Variants in RELB observed in about 807,000 individuals in gnomAD.
The protein encoded by RELB is transcription factor RelB.
Under a neutral mutation model 55.4 loss-of-function variants are expected in RELB, and 14 were observed. The observed-to-expected ratio is 0.25, with a 90% CI of 0.17 to 0.40. The LOEUF is 0.40. Among genes scored for constraint, RELB ranks in the 10% least tolerant of loss-of-function variants. The pLI is 1.00. For missense variants in RELB, 669 were observed against 830.7 expected (o/e 0.81, Z 2.39); for synonymous variants, 409 against 371.3 (o/e 1.10, Z -1.17).
intron 5 of RELB, among the ~76,000 whole-genome samples, chr19:45,023,393 T>C (rs117603316): frequency 3.5e-4 from 50 of 144,568 alleles, no homozygotes; most frequent in Non-Finnish European, 4.4e-4. Context: ...TGCAGTTTTC[T>C]TTCCTTCCTT....
At chr19:45,016,175 G>A (rs1440265437) in intron 4 of RELB, among the ~76,000 whole-genome samples, 2 of 151,834 alleles carry the variant, frequency 1.3e-5, no homozygotes, top group Non-Finnish European at 2.9e-5. Context: ...AGTAGAGACG[G>A]GGTTTCACCA....
intron 1 of RELB, among the ~76,000 whole-genome samples, chr19:45,002,337 GT>G (rs969595831): frequency 4.6e-5 from 7 of 151,550 alleles, no homozygotes; most frequent in East Asian, 1.9e-4. Context: ...ACAGGAGGAT[GT>G]TTTTTTTTGT....
chr19:45,033,733 G>C (rs1048165308), intron 9 of RELB, among the ~76,000 whole-genome samples: 1 of 150,620 alleles, frequency 6.6e-6, no homozygotes, highest in African/African-American at 2.4e-5. Context: ...AGTAGAGACC[G>C]GGTTTCGCCG....
chr19:45,010,324 A>G (rs917798359), intron 3 of RELB, among the ~76,000 whole-genome samples: 4 of 149,274 alleles, frequency 2.7e-5, no homozygotes, highest in African/African-American at 9.8e-5. Flanking sequence ...CAAAAAGAAA[A>G]CCAATTAAAA....
intron 4 of RELB, among the ~76,000 whole-genome samples, chr19:45,015,627 T>C (rs1971412017): frequency 6.7e-6 from 1 of 150,352 alleles, no homozygotes; most frequent in African/African-American, 2.5e-5. Flanking sequence ...CCCAGCACCA[T>C]GGGAGGCTGA....
intron 2 of RELB, chr19:45,008,571 T>C (rs1971311706): frequency 4.4e-6 from 2 of 455,876 alleles, no homozygotes; most frequent in Admixed American, 4.7e-5. Context: ...AGTATCCCCA[T>C]CTGCCAAATT....
intron 7 of RELB, among the ~76,000 whole-genome samples, chr19:45,027,316 G>GA (rs201311379): frequency 0.012 from 1,819 of 152,054 alleles, 14 homozygotes; most frequent in South Asian, 0.032. Flanking sequence ...CTATTAACGA[G>GA]AAAAAATGCA....
Position 45,001,528 on chromosome 19 carries a change from C to T in RELB, c.-52C>T. ...CCAGCCCTTGCGCCGCTCGTCCGAC[C>T]CGCGATCGTCCACCAGACCGTGCCT... is the stretch of plus-strand genomic sequence containing the variant. On this transcript the variant is annotated 5_prime_UTR_variant, in exon 1 of 12. Transcript: ENST00000221452. The T allele has an allele frequency of 9.1e-7, 1 of 1,099,422 alleles. No homozygotes were observed. The allele number at this position is 1,099,422 out of a possible 1,614,324, so 68.1% of individuals were successfully genotyped here.
At chr19:45,012,297 CG>C in intron 4 of RELB, 21 bp downstream of exon 4, 1 of 1,365,926 alleles carries the variant, frequency 7.3e-7, no homozygotes, top group Non-Finnish European at 9.4e-7. Context: ...CGAGCGGCCC[CG>C]GGCGGGTGGG....
intron 7 of RELB, among the ~76,000 whole-genome samples, chr19:45,027,487 G>A (rs1322762695): frequency 6.6e-6 from 1 of 152,038 alleles, no homozygotes; most frequent in Non-Finnish European, 1.5e-5. Context: ...GCTGCTTTTA[G>A]CTTCTCTTAC....
rs756690444 is a variant in RELB at position 45,037,452 on chromosome 19, T to C, written c.1402T>C (p.Ser468Pro). 2 of 1,605,936 alleles carry C rather than the reference T, an allele frequency of 1.2e-6. No individual in the cohort carries two copies. The highest frequency in any genetic ancestry group is 2.2e-5 in the East Asian group (1 of 44,816). The change falls in exon 12 of 12, where the codon TCT becomes CCT. Residue 468 changes from serine to proline, a missense_variant. Physicochemically the swap from Ser to Pro is moderately conservative, Grantham distance 74. Transcript: ENST00000221452. Reference protein sequence around the residue: ...SALLPDPDFFSGTVSLPGLEP... With the variant: ...SALLPDPDFFPGTVSLPGLEP... The stretch of plus-strand genomic sequence containing the variant: ...CCTGCTGCCAGACCCTGACTTCTTC[T>C]CTGGCACCGTGTCCCTGCCCGGCCT...
Position 45,037,767 on chromosome 19 carries a change from T to A in RELB, c.1717T>A (p.Ser573Thr). 1 of 1,486,854 alleles carries A rather than the reference T, an allele frequency of 6.7e-7. No individual in the cohort carries two copies. The highest frequency in any genetic ancestry group is 8.9e-7 in the Non-Finnish European group (1 of 1,121,460). 92.1% of individuals were successfully genotyped at this position (1,486,854 alleles called of 1,614,324 possible). A position where few individuals can be genotyped will look rare whatever the true frequency, so the allele number is the denominator to read the frequency against. ...GGCGGCCTTTGGGGGCGGCCTCCTA[T>A]CCCCGGGGCCTGAAGCCACGTAGCC... The part of the protein sequence containing the change: ...REAAFGGGLL[S>T]PGPEAT Residue 573 changes from serine to threonine, a missense_variant, in exon 12 of 12, where the codon TCC (serine) becomes ACC (threonine). Physicochemically the swap from Ser to Thr is moderately conservative, Grantham distance 58. Transcript: ENST00000221452.
At chr19:45,023,363 A>G (rs1271732552) in intron 5 of RELB, among the ~76,000 whole-genome samples, 1 of 151,366 alleles carries the variant, frequency 6.6e-6, no homozygotes, top group African/African-American at 2.4e-5. Flanking sequence ...AAACAAAGGC[A>G]TCTTCATTGG....
At chr19:45,020,642 CCGCCTCCCGGGTTCA>C (rs1391180839) in intron 4 of RELB, among the ~76,000 whole-genome samples, 1 of 147,686 alleles carries the variant, frequency 6.8e-6, no homozygotes, top group Non-Finnish European at 1.5e-5. Context: ...ACTGCAAGCT[CCGCCTCCCGGGTTCA>C]CGCCATTCTT....
intron 2 of RELB, among the ~76,000 whole-genome samples, chr19:45,005,020 A>G (rs555819362): frequency 6.6e-6 from 1 of 151,676 alleles, no homozygotes; most frequent in African/African-American, 2.4e-5. Flanking sequence ...ATACAAAAAA[A>G]ATTAGCCAGG....
At chr19:45,009,847 G>C (rs763211096) in intron 3 of RELB, 25 bp downstream of exon 3, 3 of 1,598,700 alleles carry the variant, frequency 1.9e-6, no homozygotes, top group East Asian at 2.2e-5. Context: ...GCAGGTTTGC[G>C]GGGAGGCTGA....
At chr19:45,034,167 TAAATA>T in intron 9 of RELB, 72 bp from the exon 10 acceptor site, 1 of 1,074,020 alleles carries the variant, frequency 9.3e-7, no homozygotes, top group Non-Finnish European at 1.3e-6. Flanking sequence ...TAAAAATAAA[TAAATA>T]AATAAATAAA....
At chr19:45,008,499 A>C (rs1405699496) in intron 2 of RELB, 4 of 456,266 alleles carry the variant, frequency 8.8e-6, no homozygotes, top group Non-Finnish European at 1.3e-5. Context: ...TTCCCAGTTC[A>C]AGTGACTTGA....
At chr19:45,026,560 A>AG (rs2122470679) in intron 7 of RELB, among the ~76,000 whole-genome samples, 1 of 151,822 alleles carries the variant, frequency 6.6e-6, no homozygotes, top group East Asian at 1.9e-4. Flanking sequence ...CAAGAAAAAA[A>AG]AACATCAAAC....
Sources: gnomAD v4.1 joint callset for allele counts (sites outside exome capture counted in the v4.1 genomes callset) on GRCh38, gnomAD v4.1.1 for gene constraint, MANE v1.5 for transcripts, NCBI Gene and HGNC (gene_info 2026-07-23, HGNC 2026-07-21) for gene names.